Variants in FER1L6 observed in about 807,000 individuals in gnomAD.
FER1L6 encodes fer-1-like protein 6.
Under a neutral mutation model 219.2 loss-of-function variants are expected in FER1L6, and 177 were observed. The observed-to-expected ratio is 0.81, with a 90% CI of 0.71 to 0.91. FER1L6 has a LOEUF of 0.91. FER1L6 is among the 40% of genes least tolerant of loss of function. FER1L6 has a pLI of 0.00. For synonymous variants in FER1L6, 768 were observed against 824.3 expected, an observed-to-expected ratio of 0.93 and a Z score of 1.17; for missense variants, 2,153 against 2,259.9, an observed-to-expected ratio of 0.95 and a Z score of 0.96.
intron 13 of FER1L6, among the ~76,000 whole-genome samples, chr8:124,008,786 A>G (rs1468434929): frequency 6.6e-6 from 1 of 151,522 alleles, no homozygotes; most frequent in East Asian, 2.0e-4. Flanking sequence ...AGCAAGAAAA[A>G]AAACTCATCA....
intron 1 of FER1L6, among the ~76,000 whole-genome samples, chr8:123,881,122 T>C (rs1396564715): frequency 6.6e-6 from 1 of 152,220 alleles, no homozygotes; most frequent in Non-Finnish European, 1.5e-5. Flanking sequence ...GATTGTTTAT[T>C]AGAGTTCAAT....
chr8:123,866,499 A>T (rs1769750492), intron 1 of FER1L6, among the ~76,000 whole-genome samples: 1 of 152,150 alleles, frequency 6.6e-6, no homozygotes, highest in South Asian at 2.1e-4. Context: ...TTCTTTGGAT[A>T]TATACCTAGA....
At chr8:123,989,017 T>G (rs987597672) in intron 12 of FER1L6, among the ~76,000 whole-genome samples, 2 of 152,192 alleles carry the variant, frequency 1.3e-5, no homozygotes, top group Non-Finnish European at 1.5e-5. Context: ...CTTAGTGTTT[T>G]GAGAGTTTTT....
In FER1L6 at chr8:124,119,613, A is replaced by T; in HGVS notation, c.5397A>T (p.Pro1799=). Residue 1799 remains proline (P), a synonymous_variant, in exon 41 of 41, where the codon CCA becomes CCT. Coordinates refer to ENST00000522917, the MANE Select transcript of FER1L6 (RefSeq NM_001039112.2). The stretch of plus-strand genomic sequence containing the variant: ...TCTCTTCCTTCCCCCTCAGCCGCCC[A>T]GACACCTCCTTTTCGTGGTTCATGA... ...EPEPLAKPNR[P]DTSFSWFMSP... is the part of the protein sequence containing the mutation. The T allele has an allele frequency of 6.2e-7, 1 of 1,611,408 alleles. No individual in the cohort carries two copies.
intron 31 of FER1L6, 97 bp downstream of exon 31, chr8:124,071,728 T>G (rs1322291916): frequency 1.4e-6 from 2 of 1,444,782 alleles, no homozygotes; most frequent in African/African-American, 1.4e-5. Flanking sequence ...CAACAGAAAT[T>G]TACTTTCCCA....
chr8:124,036,402 C>G (rs1400361318), intron 19 of FER1L6: 1 of 152,124 alleles, frequency 6.6e-6, no homozygotes, highest in African/African-American at 2.4e-5. Flanking sequence ...ATACCACATG[C>G]CAAGCATTGT....
At chr8:124,110,177 C>T (rs571692518) in intron 39 of FER1L6, among the ~76,000 whole-genome samples, 74 of 152,290 alleles carry the variant, frequency 4.9e-4, no homozygotes, top group African/African-American at 1.7e-3. Flanking sequence ...AATAAATAGC[C>T]TCTGTTTGTT....
At chr8:124,018,603 T>C (rs1344838785) in intron 16 of FER1L6, among the ~76,000 whole-genome samples, 3 of 152,192 alleles carry the variant, frequency 2.0e-5, no homozygotes, top group African/African-American at 7.2e-5. Context: ...CTCTACTCCA[T>C]GTTTTCTGCA....
intron 1 of FER1L6, among the ~76,000 whole-genome samples, chr8:123,856,419 C>A (rs1816651161): frequency 6.8e-6 from 1 of 147,900 alleles, no homozygotes; most frequent in Admixed American, 6.8e-5. Flanking sequence ...GCAAGCATAT[C>A]TTTCTGTGAG....
chr8:123,975,020 A>T (rs899487208), intron 7 of FER1L6, 130 bp from the exon 8 acceptor site: 2 of 773,630 alleles, frequency 2.6e-6, no homozygotes, highest in South Asian at 3.1e-5. Context: ...GTTTGGAAAA[A>T]ACTGAGATGA....
chr8:124,092,736 T>C (rs187852078), intron 34 of FER1L6, among the ~76,000 whole-genome samples: 1 of 152,186 alleles, frequency 6.6e-6, no homozygotes, highest in East Asian at 1.9e-4. Context: ...TAGCATCCGC[T>C]TGGCTTCTGG....
intron 9 of FER1L6, among the ~76,000 whole-genome samples, chr8:123,976,861 G>A (rs1195119214): frequency 6.6e-6 from 1 of 152,218 alleles, no homozygotes; most frequent in Non-Finnish European, 1.5e-5. Flanking sequence ...GGAGGTGTCA[G>A]GGCCTGTGTA....
chr8:124,037,222 A>G (rs1192884776), intron 19 of FER1L6, among the ~76,000 whole-genome samples: 1 of 152,230 alleles, frequency 6.6e-6, no homozygotes, highest in Non-Finnish European at 1.5e-5. Context: ...TGCTAAAATT[A>G]CAGGGTTAGC....
At chr8:123,862,427 G>C (rs1471636483) in intron 1 of FER1L6, among the ~76,000 whole-genome samples, 2 of 140,260 alleles carry the variant, frequency 1.4e-5, no homozygotes, top group Admixed American at 7.1e-5. Context: ...CAAGGATATT[G>C]GTCCAAAATC....
intron 12 of FER1L6, among the ~76,000 whole-genome samples, chr8:123,992,681 A>G (rs1009521877): frequency 2.6e-5 from 4 of 151,826 alleles, no homozygotes; most frequent in Non-Finnish European, 4.4e-5. Context: ...TTGATCTTGT[A>G]TATTTTTGGT....
chr8:124,095,635 G>A (rs146483389), intron 35 of FER1L6, among the ~76,000 whole-genome samples: 26 of 152,262 alleles, frequency 1.7e-4, no homozygotes, highest in East Asian at 1.2e-3. Context: ...GGACCTTTAC[G>A]TAAATTATCT....
At chr8:123,859,047 C>T (rs963032768) in intron 1 of FER1L6, among the ~76,000 whole-genome samples, 2 of 151,870 alleles carry the variant, frequency 1.3e-5, no homozygotes, top group African/African-American at 2.4e-5. Flanking sequence ...GTCACACAGG[C>T]TGGAGTGCAG....
chr8:123,958,705 A>AC (rs35070976), intron 2 of FER1L6, among the ~76,000 whole-genome samples: 54,578 of 151,444 alleles, frequency 0.36, 10,096 homozygotes, highest in Non-Finnish European at 0.4. Flanking sequence ...TATTAAAAAA[A>AC]AACCCAAAAC....
intron 21 of FER1L6, 137 bp from the exon 22 acceptor site, chr8:124,049,470 C>A: frequency 1.0e-6 from 1 of 998,072 alleles, no homozygotes; most frequent in Non-Finnish European, 1.5e-6. Context: ...GCAAGAGGAG[C>A]TTGGCAGGAG....
Sources: allele counts gnomAD v4.1 joint callset (sites outside exome capture counted in the v4.1 genomes callset), GRCh38; gene constraint gnomAD v4.1.1; transcripts MANE v1.5; gene names NCBI Gene and HGNC (gene_info 2026-07-23, HGNC 2026-07-21).